PRMT8: variants seen among roughly 807,000 people sequenced by gnomAD.
PRMT8 encodes protein arginine methyltransferase 8.
A neutral mutation model predicts 47.1 loss-of-function variants in PRMT8; 7 were observed. The ratio of observed to expected loss-of-function variants is 0.15; its 90% CI spans 0.08 to 0.28. The LOEUF is 0.28. Among genes scored for constraint, PRMT8 ranks in the 10% least tolerant of loss-of-function variants. The pLI, the probability that PRMT8 is intolerant of heterozygous loss-of-function variation, is 1.00. For missense variants in PRMT8, 237 were observed against 505.4 expected (o/e 0.47, Z 5.09); for synonymous variants, 188 against 186.5 (o/e 1.01, Z -0.07).
rs59631273 is a variant in PRMT8 at position 3,591,427 on chromosome 12, T to TTC, written c.980-803_980-802insCT. ...AAGCTCTTTTTTTTTTTTTTTTTTT[T>TTC]TGAGACAGGGTCTCACTCACTGGTT... On this transcript the variant is annotated intron_variant, in intron 8 of 9. Transcript: ENST00000382622. 4.0e-5 allele frequency among the ~76,000 whole-genome samples: 6 copies of TTC among 150,052 alleles called. No homozygotes were observed. The East Asian group carries it at 1.2e-3, about 29-fold the overall frequency.
At position 3,513,558 on chromosome 12, in the gene PRMT8, T is replaced by A. The variant is rs117415985; in HGVS notation, c.75+21858T>A. 5.0e-4 allele frequency among the ~76,000 whole-genome samples: 76 copies of A among 152,326 alleles called. 1 individual carries two copies. The East Asian group carries it at 0.014, about 27-fold the overall frequency. On this transcript the variant is annotated intron_variant, in intron 1 of 9. Transcript: ENST00000382622. ...GGAATGTGTTCCTTTCTGTGTTTCC[T>A]TCTGTTACTTCTACTCTTCCAATTG...
Position 3,456,615 on chromosome 12 carries a change from G to A in PRMT8, c.48+75173G>A, listed in dbSNP as rs548083396. Among the ~76,000 whole-genome samples, 1 of 152,296 alleles carries A rather than the reference G, an allele frequency of 6.6e-6. No homozygotes were observed. Among genetic ancestry groups the A allele is most frequent in the African/African-American group, 2.4e-5 (1 of 41,538 alleles). On this transcript the variant is annotated intron_variant, in intron 1 of 9. Transcript: ENST00000452611. The surrounding 1 kb of genome is among the most constrained non-coding windows in gnomAD (Gnocchi z 4.2). ...CATCCGTCTGAATTACCCACAGGGT[G>A]AGGATGAAAGGCGAGGGAATGAGTG... is the stretch of plus-strand genomic sequence containing the variant.
chr12:3,482,485 A>C (rs532984039), intron 1 of PRMT8, among the ~76,000 whole-genome samples: 2 of 152,296 alleles, frequency 1.3e-5, no homozygotes, highest in South Asian at 2.1e-4. Context: ...CTAGAAGTTA[A>C]AAAATAAAAA....
intron 1 of PRMT8, among the ~76,000 whole-genome samples, chr12:3,448,594 C>A (rs1864882825): frequency 6.6e-6 from 1 of 152,074 alleles, no homozygotes; most frequent in African/African-American, 2.4e-5. Flanking sequence ...GCATCACTGG[C>A]CTCTACCCAC....
intron 1 of PRMT8, among the ~76,000 whole-genome samples, chr12:3,413,727 C>G (rs1864455476): frequency 6.6e-6 from 1 of 151,716 alleles, no homozygotes; most frequent in East Asian, 1.9e-4. Context: ...GTGTCGTTGA[C>G]CAAAGTGTCA....
At chr12:3,485,721 A>C (rs1289386052) in intron 1 of PRMT8, among the ~76,000 whole-genome samples, 2 of 152,228 alleles carry the variant, frequency 1.3e-5, no homozygotes, top group African/African-American at 4.8e-5. Flanking sequence ...TATATACAGC[A>C]TACACCAACA....
chr12:3,486,922 T>A (rs115479669), upstream of PRMT8, among the ~76,000 whole-genome samples: 1,182 of 152,340 alleles, frequency 7.8e-3, 14 homozygotes, highest in African/African-American at 0.026. Flanking sequence ...TCCCACCTCA[T>A]ATTGCTTTGC....
intron 2 of PRMT8, among the ~76,000 whole-genome samples, chr12:3,547,891 T>C (rs889188381): frequency 3.9e-5 from 6 of 152,320 alleles, no homozygotes; most frequent in African/African-American, 1.4e-4. Flanking sequence ...GCCTATTCTG[T>C]ATGAATTAAT....
chr12:3,446,956 A>G (rs1327784837), intron 1 of PRMT8, among the ~76,000 whole-genome samples: 1 of 152,174 alleles, frequency 6.6e-6, no homozygotes, highest in African/African-American at 2.4e-5. Context: ...CATGTGTGGT[A>G]TGAACTAACC....
In PRMT8 at chr12:3,583,897, G is replaced by A. The variant is rs182926164; in HGVS notation, c.979+689G>A. Among the ~76,000 whole-genome samples, 1 of 152,200 alleles carries A rather than the reference G, an allele frequency of 6.6e-6. No individual in the cohort carries two copies. Among genetic ancestry groups the A allele is most frequent in the African/African-American group, 2.4e-5 (1 of 41,450 alleles). On this transcript the variant is annotated intron_variant, in intron 8 of 9. Transcript: ENST00000382622. This position sits in a 1 kb window ranked among gnomAD's most constrained non-coding sequence, Gnocchi z 4.7. ...CCCACAGGTGGCCCAGCTACACCGA[G>A]CTCCTTGCTGACTTCTAAACTCAGT...
At chr12:3,526,521 C>G (rs1280966583) in intron 1 of PRMT8, among the ~76,000 whole-genome samples, 1 of 152,172 alleles carries the variant, frequency 6.6e-6, no homozygotes, top group African/African-American at 2.4e-5. Context: ...CTTACAAACA[C>G]TTGTCATTGT....
chr12:3,553,280 A>G, intron 3 of PRMT8: 1 of 291,210 alleles, frequency 3.4e-6, no homozygotes, highest in Non-Finnish European at 6.5e-6. Flanking sequence ...GAGGCTCGCA[A>G]CTCTGGCTTG....
chr12:3,455,261 A>AT (rs1265110261), intron 1 of PRMT8, among the ~76,000 whole-genome samples: 6 of 152,220 alleles, frequency 3.9e-5, no homozygotes, highest in Non-Finnish European at 7.3e-5. Flanking sequence ...TGTTGGTCCT[A>AT]TAACACCAGT....
chr12:3,551,121 A>T (rs967915343), intron 3 of PRMT8: 1 of 134,830 alleles, frequency 7.4e-6, no homozygotes, highest in Non-Finnish European at 1.6e-5. Context: ...ATCCCCCTAG[A>T]TCCTCCTGGC....
At chr12:3,417,713 C>T (rs1029822427) in intron 1 of PRMT8, among the ~76,000 whole-genome samples, 2 of 152,164 alleles carry the variant, frequency 1.3e-5, no homozygotes, top group Non-Finnish European at 2.9e-5. Flanking sequence ...TATTGTCACT[C>T]GTACTTCACT....
At chr12:3,398,129 C>T (rs1465612279) in intron 1 of PRMT8, among the ~76,000 whole-genome samples, 2 of 152,196 alleles carry the variant, frequency 1.3e-5, no homozygotes, top group Non-Finnish European at 2.9e-5. Context: ...TGAGATGAAC[C>T]CGGTACCTCA....
At chr12:3,419,970 AGGGAGAGGGGGAGAGG>A (rs1170046734) in intron 1 of PRMT8, among the ~76,000 whole-genome samples, 2 of 83,596 alleles carry the variant, frequency 2.4e-5, no homozygotes, top group Non-Finnish European at 4.5e-5. Context: ...GGGGAGAAAG[AGGGAGAGGGGGAGAGG>A]GGGAGAGGGG....
intron 1 of PRMT8, among the ~76,000 whole-genome samples, chr12:3,468,391 C>T (rs1865125369): frequency 6.6e-6 from 1 of 152,190 alleles, no homozygotes; most frequent in African/African-American, 2.4e-5. Context: ...TGTGCTTAGA[C>T]AAGATTATAG....
Position 3,569,613 on chromosome 12 carries a change from T to C in PRMT8, c.712+49T>C, listed in dbSNP as rs1346938269. ...GTGGACTTCCACTGCACAATTGGGG[T>C]GGGAGGCACTCCAGTGGGCCCGAGA... On this transcript the variant is annotated intron_variant, in intron 6 of 9. Transcript: ENST00000382622. The surrounding 1 kb of genome is among the most constrained non-coding windows in gnomAD (Gnocchi z 8.2). The C allele has an allele frequency of 6.7e-7, 1 of 1,491,910 alleles. No homozygotes were observed. Among genetic ancestry groups the C allele is most frequent in the Non-Finnish European group, 9.4e-7 (1 of 1,068,810 alleles). The allele number at this position is 1,491,910 out of a possible 1,614,324, so 92.4% of individuals were successfully genotyped here. A position where few individuals can be genotyped will look rare whatever the true frequency, so the allele number is the denominator to read the frequency against.
Sources: allele counts gnomAD v4.1 joint callset (sites outside exome capture counted in the v4.1 genomes callset), GRCh38; gene constraint gnomAD v4.1.1; non-coding constraint Gnocchi (gnomAD v3.1); transcripts MANE v1.5; gene names NCBI Gene and HGNC (gene_info 2026-07-23, HGNC 2026-07-21).